Variants in C19orf47 observed in about 807,000 individuals in gnomAD.
C19orf47 encodes the protein chromosome 19 open reading frame 47.
Under a neutral mutation model 32.3 loss-of-function variants are expected in C19orf47, and 18 were observed. The observed-to-expected ratio is 0.56, with a 90% CI of 0.39 to 0.83. C19orf47 has a LOEUF of 0.83. Ranked by LOEUF, C19orf47 falls within the 40% of genes least tolerant of loss-of-function variation. C19orf47 has a pLI of 0.00. For missense variants in C19orf47, 484 were observed against 531.6 expected, an observed-to-expected ratio of 0.91 and a Z score of 0.88; for synonymous variants, 202 against 211.1, an observed-to-expected ratio of 0.96 and a Z score of 0.37.
rs112141418 is a variant in C19orf47 at position 40,345,905 on chromosome 19, C to T, written c.-34+2419G>A. On this transcript the variant is annotated intron_variant, in intron 1 of 8. Coordinates refer to ENST00000683109, the MANE Select transcript of C19orf47 (RefSeq NM_001256441.2). Reference sequence around the variant, plus strand: ...GGGCGCAGTGGCTCATGCCTGTAATCCCAACGCTTTGGGAGGCCAAGGCAG... The same window carrying T: ...GGGCGCAGTGGCTCATGCCTGTAATTCCAACGCTTTGGGAGGCCAAGGCAG... Among the ~76,000 whole-genome samples the T allele has an allele frequency of 9.7e-3, 1,417 of 145,616 alleles. 16 individuals carry two copies. The highest frequency in any genetic ancestry group is 0.013 in the Non-Finnish European group (898 of 67,018).
rs144831436 is a variant in C19orf47 at position 40,344,127 on chromosome 19, T to C, written c.-33-2237A>G. On this transcript the variant is annotated intron_variant, in intron 1 of 8. Transcript: ENST00000683109. ...TGATGAGTATGACCACAGACATCAC[T>C]CTGTCCTGTACTCAACACTCTTAGA... Among the ~76,000 whole-genome samples the C allele has an allele frequency of 4.1e-3, 628 of 151,750 alleles. 4 individuals are homozygous for C. Among genetic ancestry groups the C allele is most frequent in the African/African-American group, 0.014 (590 of 41,410 alleles).
At chr19:40,303,868 A>G in the C19orf47 span, among the ~76,000 whole-genome samples, 1 of 151,932 alleles carries the variant, frequency 6.6e-6, no homozygotes, top group African/African-American at 2.4e-5. Flanking sequence ...CAACCAGGAA[A>G]ATCTGTGTCA....
At chr19:40,294,161 G>A in the C19orf47 span, among the ~76,000 whole-genome samples, 148 of 152,066 alleles carry the variant, frequency 9.7e-4, no homozygotes, top group Middle Eastern at 3.4e-3. Flanking sequence ...CACTCCCTTC[G>A]AGTTTCTGGT....
the C19orf47 span, among the ~76,000 whole-genome samples, chr19:40,296,501 C>T: frequency 6.6e-6 from 1 of 151,708 alleles, no homozygotes; most frequent in South Asian, 2.1e-4. Flanking sequence ...AGGCTGGTCT[C>T]GAACTCCTGA....
intron 2 of C19orf47, among the ~76,000 whole-genome samples, chr19:40,340,395 A>C (rs964205245): frequency 6.6e-6 from 1 of 152,212 alleles, no homozygotes; most frequent in African/African-American, 2.4e-5. Context: ...TATAAAGAAT[A>C]CAGGCAGCCA....
chr19:40,340,452 G>A (rs552106112), intron 2 of C19orf47, among the ~76,000 whole-genome samples: 1 of 152,136 alleles, frequency 6.6e-6, no homozygotes, highest in East Asian at 1.9e-4. Flanking sequence ...GGAGGCCGAG[G>A]CAGGTGGATC....
In C19orf47 at chr19:40,321,203, C is replaced by G; in HGVS notation, c.*679G>C. 1.0e-6 allele frequency: 1 copy of G among 980,212 alleles called. No homozygotes were observed. Among genetic ancestry groups the G allele is most frequent in the Non-Finnish European group, 1.2e-6 (1 of 823,802 alleles). The allele number at this position is 980,212 out of a possible 1,614,324, so 60.7% of individuals were successfully genotyped here. On this transcript the variant is annotated 3_prime_UTR_variant, in exon 9 of 9. Transcript: ENST00000683109. ...GGGCAGGAAAACGGATGCGCCTCAG[C>G]CGCAGCCCAGGGTCTGGAGAGGTCC... is the stretch of plus-strand genomic sequence containing the variant.
chr19:40,324,238 C>A (rs2077782285), intron 7 of C19orf47, 162 bp from the exon 8 acceptor site: 3 of 667,310 alleles, frequency 4.5e-6, no homozygotes, highest in Non-Finnish European at 7.9e-6. Context: ...CTCACACTGA[C>A]CCTAACCCAC....
chr19:40,315,293 T>C (rs1358097611), downstream of C19orf47, among the ~76,000 whole-genome samples: 1 of 152,220 alleles, frequency 6.6e-6, no homozygotes, highest in Non-Finnish European at 1.5e-5. Context: ...TAGGAGTAAC[T>C]GAGCGTGGGG....
intron 1 of C19orf47, among the ~76,000 whole-genome samples, chr19:40,347,605 A>C (rs1055221906): frequency 3.3e-5 from 5 of 152,174 alleles, no homozygotes; most frequent in Non-Finnish European, 5.9e-5. Context: ...AAAAAAATGC[A>C]CTAGTCATTA....
At chr19:40,342,550 C>T (rs1446844107) in intron 1 of C19orf47, 2 of 152,516 alleles carry the variant, frequency 1.3e-5, no homozygotes, top group East Asian at 3.8e-4. Flanking sequence ...TAGCAGCTAG[C>T]TGGGTACAGG....
At chr19:40,333,821 G>T in intron 5 of C19orf47, 30 bp downstream of exon 5, 1 of 1,506,038 alleles carries the variant, frequency 6.6e-7, no homozygotes, top group African/African-American at 1.4e-5. Flanking sequence ...TAAAAATCAA[G>T]GAAAAGAGGC....
the C19orf47 span, among the ~76,000 whole-genome samples, chr19:40,296,665 G>A: frequency 6.6e-6 from 1 of 152,032 alleles, no homozygotes; most frequent in South Asian, 2.1e-4. Context: ...TGTAATCCCA[G>A]CACTTCGGGA....
At chr19:40,318,208 ACCT>A (rs1443706291), downstream of C19orf47, among the ~76,000 whole-genome samples, 3 of 151,862 alleles carry the variant, frequency 2.0e-5, no homozygotes, top group African/African-American at 7.3e-5. Context: ...ACATAGTGAG[ACCT>A]CGTCTCCATA....
At chr19:40,308,575 T>C in the C19orf47 span, among the ~76,000 whole-genome samples, 5 of 151,838 alleles carry the variant, frequency 3.3e-5, no homozygotes, top group African/African-American at 1.2e-4. Context: ...GCAATTCTCA[T>C]GCCTCAGCCT....
chr19:40,313,619 C>A, the C19orf47 span, among the ~76,000 whole-genome samples: 1 of 152,192 alleles, frequency 6.6e-6, no homozygotes, highest in Non-Finnish European at 1.5e-5. Flanking sequence ...GCCACCATGC[C>A]CAGCCCGCTT....
chr19:40,321,240 G>A lies in C19orf47; in HGVS notation c.*642C>T, dbSNP rs997008200. Reference sequence around the variant, plus strand: ...GTCTGGAGAGGTCCCTCCAGCCTGGGAGTAGAGGGCGGCTAACAGTCTCAA... The same window carrying A: ...GTCTGGAGAGGTCCCTCCAGCCTGGAAGTAGAGGGCGGCTAACAGTCTCAA... On this transcript the variant is annotated 3_prime_UTR_variant, in exon 9 of 9. Transcript: ENST00000683109. 1.1e-5 allele frequency: 11 copies of A among 986,898 alleles called. No individual in the cohort carries two copies. The African/African-American group carries it at 1.7e-4, about 16-fold the overall frequency. 61.1% of individuals were successfully genotyped at this position (986,898 alleles called of 1,614,324 possible).
chr19:40,343,307 A>T (rs2078213426), intron 1 of C19orf47, among the ~76,000 whole-genome samples: 2 of 152,120 alleles, frequency 1.3e-5, no homozygotes, highest in Non-Finnish European at 2.9e-5. Context: ...ATCCCCTAAC[A>T]GATTTTGATG....
intron 5 of C19orf47, among the ~76,000 whole-genome samples, chr19:40,329,531 A>C (rs567883908): frequency 1.3e-5 from 2 of 152,154 alleles, no homozygotes; most frequent in East Asian, 3.9e-4. Context: ...AAAGAAAGAA[A>C]ACTACATTAA....
Sources: allele counts gnomAD v4.1 joint callset (sites outside exome capture counted in the v4.1 genomes callset), GRCh38; gene constraint gnomAD v4.1.1; transcripts MANE v1.5; gene names NCBI Gene and HGNC (gene_info 2026-07-23, HGNC 2026-07-21).